Variants in ZFAT observed in about 807,000 individuals in gnomAD.
ZFAT encodes zinc finger and AT-hook domain containing.
In ZFAT, 64 loss-of-function variants were observed where a neutral mutation model predicts 117.7. That is an observed-to-expected ratio of 0.54 (90% CI 0.44 to 0.67). The LOEUF is 0.67. Among genes scored for constraint, ZFAT ranks in the 30% least tolerant of loss-of-function variants. The probability of loss-of-function intolerance (pLI) is 0.00; values close to 1 mark genes in which losing one functional copy is unlikely to be tolerated. For synonymous variants in ZFAT, 679 were observed against 615.0 expected (o/e 1.10, Z -1.54); for missense variants, 1,433 against 1,584.5 (o/e 0.90, Z 1.62).
intron 11 of ZFAT, among the ~76,000 whole-genome samples, chr8:134,562,559 G>C (rs937926527): frequency 6.6e-6 from 1 of 152,174 alleles, no homozygotes; most frequent in Non-Finnish European, 1.5e-5. Context: ...TGTGGGATGA[G>C]AGAAACTAAG....
At chr8:134,717,728 C>T (rs555137432), upstream of ZFAT, among the ~76,000 whole-genome samples, 12 of 151,380 alleles carry the variant, frequency 7.9e-5, no homozygotes, top group South Asian at 4.2e-4. Context: ...CCTCGTGATC[C>T]GCCTCTGTCA....
At chr8:134,562,304 G>T (rs1317343023) in intron 11 of ZFAT, among the ~76,000 whole-genome samples, 2 of 152,174 alleles carry the variant, frequency 1.3e-5, no homozygotes, top group Non-Finnish European at 2.9e-5. Flanking sequence ...ATGTGTGATA[G>T]ACTTCCAAAC....
intron 1 of ZFAT, chr8:134,696,620 A>G: frequency 1.0e-6 from 1 of 986,136 alleles, no homozygotes; most frequent in Non-Finnish European, 1.2e-6. Flanking sequence ...CTTCTCTCCA[A>G]TACAGCCACA....
chr8:134,488,892 G>C (rs561560966), intron 15 of ZFAT, among the ~76,000 whole-genome samples: 2 of 150,548 alleles, frequency 1.3e-5, no homozygotes, highest in Admixed American at 1.3e-4. Flanking sequence ...AGAGCAAAGG[G>C]TGTAGCAACA....
chr8:134,727,427 G>A, the ZFAT span, among the ~76,000 whole-genome samples: 3 of 152,144 alleles, frequency 2.0e-5, no homozygotes, highest in African/African-American at 4.8e-5. Context: ...CTGTCACTGC[G>A]CTGTCTCCTC....
intron 15 of ZFAT, among the ~76,000 whole-genome samples, chr8:134,481,354 C>T (rs1342679922): frequency 6.6e-6 from 1 of 152,146 alleles, no homozygotes; most frequent in African/African-American, 2.4e-5. Flanking sequence ...ACAAGCCCTC[C>T]ACACTTCAGG....
intron 1 of ZFAT, among the ~76,000 whole-genome samples, chr8:134,691,121 C>T (rs999368551): frequency 6.6e-6 from 1 of 152,250 alleles, no homozygotes. Context: ...GATGCAGAGG[C>T]ATCACTGTGG....
At chr8:134,732,169 C>T in the ZFAT span, among the ~76,000 whole-genome samples, 1 of 152,216 alleles carries the variant, frequency 6.6e-6, no homozygotes, top group Non-Finnish European at 1.5e-5. Flanking sequence ...TTATCACTGG[C>T]TTCTGCTGCT....
rs1313329447 is a variant in ZFAT, at chr8:134,608,935, C to T, written c.635-56G>A. 3 of 1,559,600 alleles carry T rather than the reference C, an allele frequency of 1.9e-6. No homozygotes were observed. In the East Asian group the frequency reaches 6.9e-5, roughly 36 times the overall value. The stretch of plus-strand genomic sequence containing the variant: ...GAGAGGCATCGAAAGTGGGCACTGA[C>T]CCCATCGCAGCAGAGGGGATGGTGC... On this transcript the variant is annotated intron_variant, in intron 4 of 15. Transcript: ENST00000377838.
At chr8:134,657,780 T>C (rs1831702309) in intron 1 of ZFAT, 43 bp from the exon 2 acceptor site, 1 of 1,586,584 alleles carries the variant, frequency 6.3e-7, no homozygotes, top group South Asian at 1.2e-5. Flanking sequence ...CATCTCCACA[T>C]AAACAATTAT....
chr8:134,653,952 G>C (rs1430534341), intron 2 of ZFAT, among the ~76,000 whole-genome samples: 2 of 152,180 alleles, frequency 1.3e-5, no homozygotes, highest in African/African-American at 4.8e-5. Context: ...TTGGAGAGCA[G>C]TTAGAAAAAC....
At chr8:134,792,436 T>G in the ZFAT span, 3 of 152,244 alleles carry the variant, frequency 2.0e-5, no homozygotes, top group Non-Finnish European at 4.4e-5. Flanking sequence ...CTTTGCCATT[T>G]GAACTGTGTT....
intron 15 of ZFAT, among the ~76,000 whole-genome samples, chr8:134,507,554 G>A (rs553609444): frequency 8.5e-5 from 13 of 152,198 alleles, no homozygotes; most frequent in Non-Finnish European, 1.9e-4. Context: ...CCTCAGAAGG[G>A]CGGCACTGTT....
intron 2 of ZFAT, among the ~76,000 whole-genome samples, chr8:134,638,607 T>A (rs1226900429): frequency 6.8e-6 from 1 of 147,954 alleles, no homozygotes; most frequent in African/African-American, 2.5e-5. Context: ...CGGGCACCTG[T>A]AGTCCCAGCT....
intron 10 of ZFAT, among the ~76,000 whole-genome samples, chr8:134,582,270 A>G (rs1825764123): frequency 6.6e-6 from 1 of 152,220 alleles, no homozygotes; most frequent in Non-Finnish European, 1.5e-5. Flanking sequence ...TCAAAGGCTA[A>G]GCCCAGACTG....
At chr8:134,572,051 A>C (rs979895114) in intron 10 of ZFAT, among the ~76,000 whole-genome samples, 2 of 152,246 alleles carry the variant, frequency 1.3e-5, no homozygotes, top group African/African-American at 4.8e-5. Context: ...ATGGGAGGAA[A>C]AATGAAAATA....
the ZFAT span, chr8:134,765,126 G>C: frequency 1.3e-5 from 2 of 152,148 alleles, no homozygotes; most frequent in Non-Finnish European, 2.9e-5. Context: ...TAAATTTTCA[G>C]GAATTTGGTG....
Position 134,657,730 on chromosome 8 carries a change from C to T in ZFAT, c.27G>A (p.Thr9=), listed in dbSNP as rs267601781. The T allele has an allele frequency of 1.1e-5, 18 of 1,606,218 alleles. No homozygotes were observed. Among genetic ancestry groups the T allele is most frequent in the South Asian group, 2.3e-5 (2 of 88,888 alleles). The change falls in exon 2 of 16, where the codon ACG becomes ACA. Residue 9 remains threonine, a synonymous_variant. Coordinates refer to ENST00000377838, the MANE Select transcript of ZFAT (RefSeq NM_020863.4). ...TACAACATTTACACATAAAGATGGC[C>T]GTGTTTTCTGTAAGGAAAAAAAAGG... is the stretch of plus-strand genomic sequence containing the variant. METRAAEN[T]AIFMCKCCNL...
chr8:134,615,594 CCTG>C (rs761666160), intron 3 of ZFAT, among the ~76,000 whole-genome samples: 1 of 152,206 alleles, frequency 6.6e-6, no homozygotes, highest in Non-Finnish European at 1.5e-5. Flanking sequence ...ACTCCCCACT[CCTG>C]CTTCCTGGGA....
Sources: allele counts gnomAD v4.1 joint callset (sites outside exome capture counted in the v4.1 genomes callset), GRCh38; gene constraint gnomAD v4.1.1; transcripts MANE v1.5; gene names NCBI Gene and HGNC (gene_info 2026-07-23, HGNC 2026-07-21).